PKNOX2: variants seen among roughly 807,000 people sequenced by gnomAD.
PKNOX2 encodes homeobox protein PKNOX2.
Under a neutral mutation model 53.1 loss-of-function variants are expected in PKNOX2, and 14 were observed. The ratio of observed to expected loss-of-function variants is 0.26; its 90% CI spans 0.17 to 0.41. The LOEUF (loss-of-function observed/expected upper bound fraction) is 0.41, where lower values mean the gene tolerates loss of function less well. Ranked by LOEUF, PKNOX2 falls within the 10% of genes least tolerant of loss-of-function variation. PKNOX2 has a pLI of 1.00. For synonymous variants in PKNOX2, 257 were observed against 242.8 expected, an observed-to-expected ratio of 1.06 and a Z score of -0.54; for missense variants, 496 against 602.8, an observed-to-expected ratio of 0.82 and a Z score of 1.85.
intron 2 of PKNOX2, among the ~76,000 whole-genome samples, chr11:125,283,741 G>A (rs1037960865): frequency 2.0e-5 from 3 of 152,166 alleles, no homozygotes; most frequent in Non-Finnish European, 2.9e-5. Context: ...GGGACAATTT[G>A]AAAGAGGGGA....
chr11:125,328,657 T>C (rs76292945), intron 2 of PKNOX2, among the ~76,000 whole-genome samples: 6,842 of 152,182 alleles, frequency 0.045, 502 homozygotes, highest in African/African-American at 0.16. Context: ...CGCCTCTGCC[T>C]CTCCTTCCGG....
chr11:125,325,299 T>G (rs1167905755), intron 2 of PKNOX2, among the ~76,000 whole-genome samples: 1 of 152,190 alleles, frequency 6.6e-6, no homozygotes, highest in African/African-American at 2.4e-5. Flanking sequence ...GGGCTGGAAG[T>G]GCAGGTGAGG....
In PKNOX2 at chr11:125,431,732, T is replaced by A; in HGVS notation, c.*340T>A. 3.1e-6 allele frequency: 1 copy of A among 320,052 alleles called. No individual in the cohort carries two copies. The highest frequency in any genetic ancestry group is 5.9e-6 in the Non-Finnish European group (1 of 169,306). 19.8% of individuals were successfully genotyped at this position (320,052 alleles called of 1,614,324 possible). A position where few individuals can be genotyped will look rare whatever the true frequency, so the allele number is the denominator to read the frequency against. The stretch of plus-strand genomic sequence containing the variant: ...CCCCCACCCACGGAAGGACTTGAGT[T>A]GTTTACAAGCCCTGCACTGAGGCAG... On this transcript the variant is annotated 3_prime_UTR_variant, in exon 13 of 13. Transcript: ENST00000298282.
At chr11:125,286,524 C>T (rs1027149106) in intron 2 of PKNOX2, among the ~76,000 whole-genome samples, 3 of 152,228 alleles carry the variant, frequency 2.0e-5, no homozygotes, top group Admixed American at 2.0e-4. Flanking sequence ...ACAGTGCAAC[C>T]TCTGTCCACC....
chr11:125,365,672 C>T (rs1952151969), intron 4 of PKNOX2, among the ~76,000 whole-genome samples: 1 of 152,232 alleles, frequency 6.6e-6, no homozygotes, highest in Non-Finnish European at 1.5e-5. Flanking sequence ...ATGAGACACT[C>T]TTTTGGAAAC....
At chr11:125,385,813 A>T in intron 6 of PKNOX2, 91 bp downstream of exon 6, 1 of 1,469,120 alleles carries the variant, frequency 6.8e-7, no homozygotes, top group South Asian at 1.3e-5. Flanking sequence ...TCATTAATTT[A>T]CCAACAAAAG....
chr11:125,361,682 C>T (rs1275774757), intron 4 of PKNOX2, among the ~76,000 whole-genome samples: 1 of 152,152 alleles, frequency 6.6e-6, no homozygotes, highest in African/African-American at 2.4e-5. Flanking sequence ...ATTTACATTA[C>T]GTATATCTCC....
At chr11:125,379,511 C>G (rs756052425) in intron 5 of PKNOX2, among the ~76,000 whole-genome samples, 12 of 152,336 alleles carry the variant, frequency 7.9e-5, no homozygotes, top group Non-Finnish European at 1.6e-4. Context: ...TTAGGGCAAT[C>G]TGTCAGCCCG....
chr11:125,277,557 C>G (rs1591509526), intron 2 of PKNOX2: 2 of 152,272 alleles, frequency 1.3e-5, no homozygotes, highest in Admixed American at 6.5e-5. Flanking sequence ...GTGGGGTGCT[C>G]GCTTCAGCAG....
intron 1 of PKNOX2, among the ~76,000 whole-genome samples, chr11:125,194,595 TG>T (rs1294581371): frequency 6.6e-6 from 1 of 152,078 alleles, no homozygotes; most frequent in African/African-American, 2.4e-5. Context: ...CAGCCTCTCC[TG>T]GGGTTTTGGT....
intron 2 of PKNOX2, among the ~76,000 whole-genome samples, chr11:125,249,748 GA>G (rs933987413): frequency 4.6e-5 from 7 of 152,154 alleles, no homozygotes; most frequent in African/African-American, 1.7e-4. Flanking sequence ...CAGGTTCTAA[GA>G]TAGGAACTGG....
chr11:125,351,659 A>G (rs1951332984), intron 4 of PKNOX2, among the ~76,000 whole-genome samples: 1 of 152,036 alleles, frequency 6.6e-6, no homozygotes, highest in South Asian at 2.1e-4. Flanking sequence ...CCTCCACCCC[A>G]TCCATCAGAC....
chr11:125,430,346 G>A (rs1956638191), intron 12 of PKNOX2, among the ~76,000 whole-genome samples: 1 of 152,220 alleles, frequency 6.6e-6, no homozygotes, highest in South Asian at 2.1e-4. Context: ...CTCTCATAAA[G>A]AAAAGCGGGA....
At chr11:125,182,554 C>G (rs1275245185) in intron 1 of PKNOX2, among the ~76,000 whole-genome samples, 1 of 152,192 alleles carries the variant, frequency 6.6e-6, no homozygotes, top group Non-Finnish European at 1.5e-5. Context: ...TGTTTTGGGA[C>G]TTCAATGGTC....
Position 125,385,560 on chromosome 11 carries a change from T to C in PKNOX2, c.237T>C (p.Leu79=), listed in dbSNP as rs1953567933. The C allele has an allele frequency of 2.5e-6, 4 of 1,608,566 alleles. No homozygotes were observed. The highest frequency in any genetic ancestry group is 3.4e-6 in the Non-Finnish European group (4 of 1,177,954). The change falls in exon 6 of 13, where the codon CTT becomes CTC. Residue 79 remains leucine (L), a synonymous_variant. Coordinates refer to ENST00000298282, the MANE Select transcript of PKNOX2 (RefSeq NM_001382323.2). ...CTTGATGTCCCTGCAGGCACCCTCT[T>C]TTCCCGCTCCTGACGCTGCTGTTTG... The part of the protein sequence containing the change: ...ADKRAVYRHP[L]FPLLTLLFEK...
At chr11:125,409,154 C>T (rs1366107307) in intron 7 of PKNOX2, among the ~76,000 whole-genome samples, 1 of 152,138 alleles carries the variant, frequency 6.6e-6, no homozygotes, top group Non-Finnish European at 1.5e-5. Flanking sequence ...TTCTCCGAAC[C>T]TAGAGACCCT....
At chr11:125,428,222 TGA>T (rs1956522350) in intron 10 of PKNOX2, among the ~76,000 whole-genome samples, 1 of 152,118 alleles carries the variant, frequency 6.6e-6, no homozygotes, top group Non-Finnish European at 1.5e-5. Flanking sequence ...TGTGGGGGAC[TGA>T]GAGAGACACC....
chr11:125,257,283 G>A (rs560635820), intron 2 of PKNOX2, among the ~76,000 whole-genome samples: 3 of 152,266 alleles, frequency 2.0e-5, no homozygotes, highest in South Asian at 2.1e-4. Flanking sequence ...CCTGCTTGTC[G>A]GAGGTAGGGG....
At chr11:125,253,085 G>A (rs1447397531) in intron 2 of PKNOX2, among the ~76,000 whole-genome samples, 1 of 152,214 alleles carries the variant, frequency 6.6e-6, no homozygotes, top group Non-Finnish European at 1.5e-5. Flanking sequence ...GGTTGGAAGT[G>A]AAGAATTTAA....
Sources: allele counts gnomAD v4.1 joint callset (sites outside exome capture counted in the v4.1 genomes callset), GRCh38; gene constraint gnomAD v4.1.1; transcripts MANE v1.5; gene names NCBI Gene and HGNC (gene_info 2026-07-23, HGNC 2026-07-21).